TPP2: variants seen among roughly 807,000 people sequenced by gnomAD.
TPP2 encodes the protein tripeptidyl-peptidase 2.
In TPP2, 34 loss-of-function variants were observed where a neutral mutation model predicts 155.9. The observed-to-expected ratio is 0.22, with a 90% CI of 0.17 to 0.29. The LOEUF (loss-of-function observed/expected upper bound fraction) is 0.29. Ranked by LOEUF, TPP2 falls within the 10% of genes least tolerant of loss-of-function variation. The pLI is 1.00. For synonymous variants in TPP2, 510 were observed against 529.4 expected (o/e 0.96, Z 0.50); for missense variants, 1,028 against 1,522.3 (o/e 0.68, Z 5.40).
At chr13:102,659,061 G>C (rs1237877059) in intron 25 of TPP2, among the ~76,000 whole-genome samples, 1 of 152,222 alleles carries the variant, frequency 6.6e-6, no homozygotes, top group African/African-American at 2.4e-5. Flanking sequence ...GATTTTGCCA[G>C]TGTGGCCTAA....
Position 102,678,420 on chromosome 13 carries a change from A to G in TPP2, c.*104A>G. The G allele has an allele frequency of 1.2e-6, 1 of 859,926 alleles. No individual in the cohort carries two copies. Among genetic ancestry groups the G allele is most frequent in the Non-Finnish European group, 1.8e-6 (1 of 544,674 alleles). 53.3% of individuals were successfully genotyped at this position (859,926 alleles called of 1,614,324 possible). A position where few individuals can be genotyped will look rare whatever the true frequency, so the allele number is the denominator to read the frequency against. The stretch of plus-strand genomic sequence containing the variant: ...AGTCTAATGCATGTTTTCATCCACT[A>G]TCCAGTACTGATTATTAAAATGACA... On this transcript the variant is annotated 3_prime_UTR_variant, in exon 30 of 30. Coordinates refer to ENST00000376052, the MANE Select transcript of TPP2 (RefSeq NM_001330588.2).
Position 102,649,340 on chromosome 13 carries a change from T to C in TPP2, c.2874-68T>C, listed in dbSNP as rs1256281992. The stretch of plus-strand genomic sequence containing the variant: ...CAGTGTGGAATTGTTTTCATGTTTT[T>C]CCCCTTACTTGTCTTTGTGAAACTT... On this transcript the variant is annotated intron_variant, in intron 22 of 29. Coordinates refer to ENST00000376052, the MANE Select transcript of TPP2 (RefSeq NM_001330588.2). The C allele has an allele frequency of 6.6e-6, 10 of 1,523,344 alleles. 1 individual carries two copies. The Middle Eastern group carries it at 5.2e-4, about 80-fold the overall frequency. The allele number at this position is 1,523,344 out of a possible 1,614,324, so 94.4% of individuals were successfully genotyped here.
At chr13:102,628,981 C>G (rs181790421) in intron 8 of TPP2, among the ~76,000 whole-genome samples, 1 of 152,262 alleles carries the variant, frequency 6.6e-6, no homozygotes, top group East Asian at 1.9e-4. Flanking sequence ...ACCTCATCTC[C>G]TCTACTTAAT....
rs923993427 is a variant in TPP2 at position 102,604,700 on chromosome 13, T to A, written c.166-93T>A. On this transcript the variant is annotated intron_variant, in intron 1 of 29. Transcript: ENST00000376052. ...CTCTTTTTTAAGTGAATGTAGATTTTGTATATACACACACATATATATGTG... is the reference window on the plus strand; with the variant it reads ...CTCTTTTTTAAGTGAATGTAGATTTAGTATATACACACACATATATATGTG... 7 of 1,359,528 alleles carry A rather than the reference T, an allele frequency of 5.1e-6. No individual in the cohort carries two copies. The African/African-American group carries it at 1.1e-4, about 21-fold the overall frequency. The allele number at this position is 1,359,528 out of a possible 1,614,324, so 84.2% of individuals were successfully genotyped here. A position where few individuals can be genotyped will look rare whatever the true frequency, so the allele number is the denominator to read the frequency against.
In TPP2 at chr13:102,674,406, G is replaced by A. The variant is rs1885173554; in HGVS notation, c.3495G>A (p.Lys1165=). Reference sequence around the variant, plus strand: ...CCATTTCCACTGATGCAGAAGGAAAGGAGGAGGAAGGAGAAAGTCCTTTGG... The same window carrying A: ...CCATTTCCACTGATGCAGAAGGAAAAGAGGAGGAAGGAGAAAGTCCTTTGG... ...DGAISTDAEG[K]EEEGESPLDS... The change falls in exon 28 of 30, where the codon AAG becomes AAA. Residue 1165 remains lysine (K), a synonymous_variant. Coordinates refer to ENST00000376052, the MANE Select transcript of TPP2 (RefSeq NM_001330588.2). 6.2e-6 allele frequency: 10 copies of A among 1,613,876 alleles called. No individual in the cohort carries two copies. Among genetic ancestry groups the A allele is most frequent in the Non-Finnish European group, 8.5e-6 (10 of 1,179,904 alleles).
intron 10 of TPP2, among the ~76,000 whole-genome samples, chr13:102,630,504 C>T (rs1881948780): frequency 6.6e-6 from 1 of 151,926 alleles, no homozygotes; most frequent in African/African-American, 2.4e-5. Context: ...TAGTGATGGC[C>T]TTGTTTTAAA....
intron 25 of TPP2, among the ~76,000 whole-genome samples, chr13:102,661,970 T>C (rs1884258056): frequency 6.6e-6 from 1 of 152,190 alleles, no homozygotes; most frequent in South Asian, 2.1e-4. Flanking sequence ...AAAAACATGT[T>C]GATGACAGTT....
At chr13:102,657,819 A>G (rs1270871012) in intron 25 of TPP2, among the ~76,000 whole-genome samples, 1 of 152,182 alleles carries the variant, frequency 6.6e-6, no homozygotes, top group African/African-American at 2.4e-5. Context: ...TGTTTTGCCA[A>G]ATTGCTTTCT....
chr13:102,628,456 C>T (rs1336767020), intron 8 of TPP2, among the ~76,000 whole-genome samples: 1 of 152,178 alleles, frequency 6.6e-6, no homozygotes, highest in Admixed American at 6.5e-5. Context: ...ATCTCATCTG[C>T]AAAACTTACT....
intron 16 of TPP2, among the ~76,000 whole-genome samples, chr13:102,641,318 A>G (rs748883627): frequency 6.6e-6 from 1 of 152,200 alleles, no homozygotes; most frequent in Non-Finnish European, 1.5e-5. Context: ...CAGTCAAGAA[A>G]GTGTCACCCA....
chr13:102,602,752 A>G (rs996896815), intron 1 of TPP2, among the ~76,000 whole-genome samples: 19 of 152,208 alleles, frequency 1.2e-4, no homozygotes, highest in Non-Finnish European at 2.1e-4. Flanking sequence ...GTTGGTCAGA[A>G]AGACCCAGAG....
At chr13:102,617,963 T>G (rs1880873515) in intron 4 of TPP2, among the ~76,000 whole-genome samples, 1 of 152,220 alleles carries the variant, frequency 6.6e-6, no homozygotes, top group Non-Finnish European at 1.5e-5. Context: ...AGTAACATAG[T>G]CTAGAGATAT....
chr13:102,629,394 A>G (rs895061647), intron 8 of TPP2, 88 bp from the exon 9 acceptor site: 1 of 1,352,760 alleles, frequency 7.4e-7, no homozygotes, highest in African/African-American at 1.5e-5. Flanking sequence ...AAATTTATGT[A>G]GCCATATATT....
intron 2 of TPP2, among the ~76,000 whole-genome samples, chr13:102,606,037 A>G (rs1185547979): frequency 6.6e-6 from 1 of 152,170 alleles, no homozygotes; most frequent in Non-Finnish European, 1.5e-5. Flanking sequence ...GCTTTGTCTT[A>G]TTCTATGTCC....
chr13:102,668,999 C>T (rs12873144), intron 27 of TPP2, among the ~76,000 whole-genome samples: 47,015 of 151,934 alleles, frequency 0.31, 7,564 homozygotes, highest in Non-Finnish European at 0.37. Context: ...TTTGATGCCT[C>T]GTGCTGGAAT....
intron 25 of TPP2, among the ~76,000 whole-genome samples, chr13:102,660,458 C>T (rs73581174): frequency 2.2e-4 from 33 of 152,026 alleles, no homozygotes; most frequent in African/African-American, 6.3e-4. Context: ...AAGAATTATA[C>T]GTCAAAACTA....
At chr13:102,676,590 C>T (rs949793128) in intron 29 of TPP2, among the ~76,000 whole-genome samples, 175 bp downstream of exon 29, 4 of 152,114 alleles carry the variant, frequency 2.6e-5, no homozygotes, top group African/African-American at 9.7e-5. Context: ...AGTCAATAAG[C>T]TATTTAAATT....
intron 4 of TPP2, among the ~76,000 whole-genome samples, 195 bp from the exon 5 acceptor site, chr13:102,618,527 T>G (rs923115485): frequency 6.6e-6 from 1 of 152,220 alleles, no homozygotes; most frequent in Non-Finnish European, 1.5e-5. Context: ...AGATCTTTAT[T>G]AATTAGATCT....
chr13:102,638,119 A>T (rs1329057333), intron 14 of TPP2, 120 bp from the exon 15 acceptor site: 1 of 904,716 alleles, frequency 1.1e-6, no homozygotes, highest in Non-Finnish European at 1.7e-6. Context: ...ATTGGTGTCA[A>T]CCTCTGGTTA....
Sources: allele counts gnomAD v4.1 joint callset (sites outside exome capture counted in the v4.1 genomes callset), GRCh38; gene constraint gnomAD v4.1.1; transcripts MANE v1.5; gene names NCBI Gene and HGNC (gene_info 2026-07-23, HGNC 2026-07-21).